Variants in STK32A observed in about 807,000 individuals in gnomAD.
STK32A encodes the protein serine/threonine-protein kinase 32A.
STK32A carries 41 observed loss-of-function variants against 53.2 expected under a neutral mutation model. The ratio of observed to expected loss-of-function variants is 0.77; its 90% confidence interval spans 0.60 to 1.00. The LOEUF is 1.00. Among genes scored for constraint, STK32A ranks in the 50% least tolerant of loss-of-function variants. The pLI is 0.00. For missense variants in STK32A, 458 were observed against 485.8 expected (o/e 0.94, Z 0.54); for synonymous variants, 166 against 162.8 (o/e 1.02, Z -0.15).
intron 2 of STK32A, among the ~76,000 whole-genome samples, chr5:147,254,666 C>A (rs1182380076): frequency 3.3e-5 from 5 of 152,118 alleles, no homozygotes; most frequent in African/African-American, 9.7e-5. Flanking sequence ...TAGGGTTAGA[C>A]CACACAGGCT....
intron 4 of STK32A, among the ~76,000 whole-genome samples, chr5:147,287,439 G>A (rs1581042320): frequency 1.3e-5 from 2 of 152,170 alleles, no homozygotes; most frequent in East Asian, 3.9e-4. Flanking sequence ...TTTACTCTGT[G>A]TTTAGGGACA....
Position 147,372,269 on chromosome 5 carries a change from C to CTTTTTTTTTTTTT in STK32A, c.778-882_778-870dup, listed in dbSNP as rs71274369. The stretch of plus-strand genomic sequence containing the variant: ...GGGGCCCAAGAGGAATGGGCTTGGC[C>CTTTTTTTTTTTTT]TTTTTTTTTTTTTTTTTTTTTTTTT... On this transcript the variant is annotated intron_variant, in intron 9 of 12. Coordinates refer to ENST00000397936, the MANE Select transcript of STK32A (RefSeq NM_001112724.2). Among the ~76,000 whole-genome samples the CTTTTTTTTTTTTT allele has an allele frequency of 8.7e-4, 43 of 49,350 alleles. 5 individuals carry two copies. In the East Asian group the frequency reaches 0.023, roughly 26 times the overall value. 32.4% of individuals were successfully genotyped at this position (49,350 alleles called of 152,430 possible).
At chr5:147,394,856 T>A in the STK32A span, among the ~76,000 whole-genome samples, 6 of 152,218 alleles carry the variant, frequency 3.9e-5, no homozygotes, top group African/African-American at 1.4e-4. Context: ...TTTCCTCATA[T>A]GCTGTAATTT....
rs1204178825 is a variant in STK32A, at chr5:147,386,374, T to C, written c.*2391T>C. Reference sequence around the variant, plus strand: ...TCCTTCATTTGTTTTGATTCAAGCCTTTATGTGCTGTGGACTCACCTCCCT... The same window carrying C: ...TCCTTCATTTGTTTTGATTCAAGCCCTTATGTGCTGTGGACTCACCTCCCT... On this transcript the variant is annotated 3_prime_UTR_variant, in exon 13 of 13. Coordinates refer to ENST00000397936, the MANE Select transcript of STK32A (RefSeq NM_001112724.2). 1 of 152,210 alleles carries C rather than the reference T, an allele frequency of 6.6e-6. No individual in the cohort carries two copies. The highest frequency in any genetic ancestry group is 1.5e-5 in the Non-Finnish European group (1 of 68,040). 9.4% of individuals were successfully genotyped at this position (152,210 alleles called of 1,614,324 possible).
intron 4 of STK32A, among the ~76,000 whole-genome samples, chr5:147,299,141 G>A (rs1006682170): frequency 7.9e-5 from 12 of 152,188 alleles, no homozygotes; most frequent in Admixed American, 7.9e-4. Context: ...AGACAGAGCA[G>A]CCCTGAGGAC....
At chr5:147,372,698 C>T (rs1376886529) in intron 9 of STK32A, among the ~76,000 whole-genome samples, 2 of 152,100 alleles carry the variant, frequency 1.3e-5, no homozygotes, top group African/African-American at 4.8e-5. Flanking sequence ...ATGCCGCCCC[C>T]AATGTATTTT....
At chr5:147,399,200 G>T in the STK32A span, 1 of 1,614,206 alleles carries the variant, frequency 6.2e-7, no homozygotes, top group Non-Finnish European at 8.5e-7. Flanking sequence ...GATCTTGGCA[G>T]CGTTTGTGCT....
At chr5:147,353,585 C>T (rs1008094906) in intron 7 of STK32A, among the ~76,000 whole-genome samples, 1 of 151,998 alleles carries the variant, frequency 6.6e-6, no homozygotes, top group Non-Finnish European at 1.5e-5. Context: ...CATGGTGAAA[C>T]CCCATCTCTA....
At chr5:147,376,508 C>T (rs1225177020) in intron 11 of STK32A, among the ~76,000 whole-genome samples, 1 of 152,122 alleles carries the variant, frequency 6.6e-6, no homozygotes, top group Non-Finnish European at 1.5e-5. Context: ...CTTTTTATTA[C>T]AAGTTTTTAA....
At chr5:147,242,723 GA>G (rs1183166419) in intron 2 of STK32A, among the ~76,000 whole-genome samples, 1 of 152,220 alleles carries the variant, frequency 6.6e-6, no homozygotes, top group Admixed American at 6.5e-5. Flanking sequence ...GTTTGCCAAA[GA>G]GACTGCATTT....
At chr5:147,346,163 G>C (rs953737182) in intron 6 of STK32A, among the ~76,000 whole-genome samples, 1 of 152,174 alleles carries the variant, frequency 6.6e-6, no homozygotes, top group South Asian at 2.1e-4. Context: ...GATCTTGTGA[G>C]AATCAGCTGA....
chr5:147,297,978 CA>C (rs60657537), intron 4 of STK32A, among the ~76,000 whole-genome samples: 7,688 of 135,866 alleles, frequency 0.057, 249 homozygotes, highest in South Asian at 0.098. Flanking sequence ...GACTCTGTCT[CA>C]AAAAAAAAAA....
intron 5 of STK32A, among the ~76,000 whole-genome samples, chr5:147,327,427 A>T (rs1581098763): frequency 6.6e-6 from 1 of 152,378 alleles, no homozygotes; most frequent in South Asian, 2.1e-4. Context: ...CAATGAAAGT[A>T]CAGTAGATCT....
Position 147,279,373 on chromosome 5 carries a change from G to T in STK32A, c.235G>T (p.Glu79Ter). The T allele has an allele frequency of 6.2e-7, 1 of 1,601,614 alleles. No homozygotes were observed. Among genetic ancestry groups the T allele is most frequent in the East Asian group, 2.2e-5 (1 of 44,460 alleles). ...GGAACTCCAGATCATGCAGGGTCTGGAGCACCCTTTCCTGGTTAATTTGTG... is the reference window on the plus strand; with the variant it reads ...GGAACTCCAGATCATGCAGGGTCTGTAGCACCCTTTCCTGGTTAATTTGTG... ...FKELQIMQGLEHPFLVNLWYS... is the reference protein window; with the variant it reads ...FKELQIMQGL Residue 79 changes from glutamate to a stop codon, truncating the protein, a stop_gained, in exon 4 of 13, where the codon GAG becomes TAG. Transcript: ENST00000397936. LOFTEE classifies it high-confidence loss of function.
chr5:147,284,890 T>G lies in STK32A; in HGVS notation c.260+5492T>G, dbSNP rs150192525. Among the ~76,000 whole-genome samples the G allele has an allele frequency of 9.3e-3, 1,408 of 152,126 alleles. 10 individuals are homozygous for G. Among genetic ancestry groups the G allele is most frequent in the Middle Eastern group, 0.017 (5 of 294 alleles). On this transcript the variant is annotated intron_variant, in intron 4 of 12. Coordinates refer to ENST00000397936, the MANE Select transcript of STK32A (RefSeq NM_001112724.2). The stretch of plus-strand genomic sequence containing the variant: ...TAACCATACTGCCAAAAGCAATCTA[T>G]AAATTCAATGCAATTTCCATCAAAA...
At chr5:147,376,944 C>T (rs964230867) in intron 11 of STK32A, among the ~76,000 whole-genome samples, 8 of 152,108 alleles carry the variant, frequency 5.3e-5, no homozygotes, top group African/African-American at 1.9e-4. Flanking sequence ...TGGACAAAGA[C>T]ATCACAAAAA....
intron 2 of STK32A, among the ~76,000 whole-genome samples, chr5:147,248,761 G>A (rs941903548): frequency 6.6e-6 from 1 of 152,166 alleles, no homozygotes; most frequent in East Asian, 1.9e-4. Context: ...CCTGGGGCAC[G>A]TGTTTTATAA....
At chr5:147,356,319 C>T (rs1756236927) in intron 7 of STK32A, among the ~76,000 whole-genome samples, 1 of 152,168 alleles carries the variant, frequency 6.6e-6, no homozygotes, top group African/African-American at 2.4e-5. Context: ...GTCATTTAAA[C>T]TAAAAACAGT....
chr5:147,307,361 T>C (rs1753460042), intron 4 of STK32A, among the ~76,000 whole-genome samples: 1 of 152,086 alleles, frequency 6.6e-6, no homozygotes, highest in African/African-American at 2.4e-5. Context: ...TGACTCACGC[T>C]TGTAATCCCA....
Sources: gnomAD v4.1 joint callset for allele counts (sites outside exome capture counted in the v4.1 genomes callset) on GRCh38, gnomAD v4.1.1 for gene constraint, MANE v1.5 for transcripts, NCBI Gene and HGNC (gene_info 2026-07-23, HGNC 2026-07-21) for gene names.